The following NEO1 variants were observed in gnomAD, a reference collection of about 807,000 sequenced individuals.
The protein encoded by NEO1 is neogenin.
NEO1 carries 63 observed loss-of-function variants against 159.7 expected under a neutral mutation model. The observed-to-expected ratio is 0.39, with a 90% CI of 0.32 to 0.49. NEO1 has a LOEUF of 0.49. Among genes scored for constraint, NEO1 ranks in the 20% least tolerant of loss-of-function variants. NEO1 has a pLI of 0.85. For synonymous variants in NEO1, 633 were observed against 662.0 expected, an observed-to-expected ratio of 0.96 and a Z score of 0.67; for missense variants, 1,615 against 1,831.0, an observed-to-expected ratio of 0.88 and a Z score of 2.15.
At chr15:73,190,633 A>C (rs2036189138) in intron 7 of NEO1, among the ~76,000 whole-genome samples, 1 of 152,168 alleles carries the variant, frequency 6.6e-6, no homozygotes, top group Admixed American at 6.6e-5. Flanking sequence ...TCATTAGTGG[A>C]ATATTTTAAT....
intron 7 of NEO1, among the ~76,000 whole-genome samples, chr15:73,232,823 A>T (rs2038979876): frequency 6.6e-6 from 1 of 152,122 alleles, no homozygotes; most frequent in Non-Finnish European, 1.5e-5. Flanking sequence ...ATATCAAATG[A>T]GCTCTTCTGG....
chr15:73,213,274 A>G (rs2152095364), intron 7 of NEO1, among the ~76,000 whole-genome samples: 1 of 152,098 alleles, frequency 6.6e-6, no homozygotes, highest in East Asian at 1.9e-4. Flanking sequence ...TGTAGCATTT[A>G]TTTATTTTCA....
At chr15:73,302,120 T>C (rs2042642370) in intron 28 of NEO1, among the ~76,000 whole-genome samples, 1 of 152,248 alleles carries the variant, frequency 6.6e-6, no homozygotes, top group Non-Finnish European at 1.5e-5. Flanking sequence ...TCAGTTCTAC[T>C]CTGTGACCTT....
intron 22 of NEO1, among the ~76,000 whole-genome samples, chr15:73,281,064 C>T (rs887285167): frequency 2.0e-5 from 3 of 151,140 alleles, no homozygotes; most frequent in South Asian, 4.2e-4. Context: ...AAAAATTAGC[C>T]GGGCATGGTG....
intron 23 of NEO1, 22 bp from the exon 24 acceptor site, chr15:73,288,291 C>A: frequency 6.3e-7 from 1 of 1,590,324 alleles, no homozygotes; most frequent in Non-Finnish European, 8.6e-7. Flanking sequence ...TTTTTAAAAG[C>A]TCCTCTGAAC....
intron 5 of NEO1, among the ~76,000 whole-genome samples, chr15:73,160,333 C>A (rs1412564348): frequency 6.6e-6 from 1 of 152,186 alleles, no homozygotes; most frequent in Admixed American, 6.5e-5. Flanking sequence ...TCCTATAATT[C>A]AGTTCAGTTC....
chr15:73,150,822 A>T (rs75480405), intron 5 of NEO1, among the ~76,000 whole-genome samples: 13 of 152,094 alleles, frequency 8.5e-5, no homozygotes, highest in African/African-American at 2.9e-4. Context: ...CAGAGGGTCT[A>T]TTCTTTTGTT....
Position 73,301,458 on chromosome 15 carries a change from G to A in NEO1, c.4302+1G>A. On this transcript the variant is annotated splice_donor_variant, in intron 28 of 28. Coordinates refer to ENST00000261908, the MANE Select transcript of NEO1 (RefSeq NM_002499.4). LOFTEE classifies it high-confidence loss of function. ...AAGGATGTTGGAAGACTCCGAGAGT[G>A]TAAGTTCGTGGGGCCATCAGTCCAG... 4 of 1,614,198 alleles carry A rather than the reference G, an allele frequency of 2.5e-6. No homozygotes were observed. Among genetic ancestry groups the A allele is most frequent in the Non-Finnish European group, 3.4e-6 (4 of 1,180,038 alleles).
chr15:73,278,471 G>A (rs2041523206), intron 22 of NEO1, among the ~76,000 whole-genome samples: 1 of 152,140 alleles, frequency 6.6e-6, no homozygotes, highest in Non-Finnish European at 1.5e-5. Context: ...AAGAGTTAGA[G>A]TTTCGCTTTC....
chr15:73,123,082 G>A (rs1367929238), intron 3 of NEO1, among the ~76,000 whole-genome samples: 5 of 151,956 alleles, frequency 3.3e-5, no homozygotes, highest in Admixed American at 6.5e-5. Context: ...ACTTGAACCC[G>A]GGAGGTGGAG....
intron 1 of NEO1, among the ~76,000 whole-genome samples, chr15:73,058,583 G>A (rs1352367011): frequency 6.6e-6 from 1 of 152,146 alleles, no homozygotes; most frequent in Non-Finnish European, 1.5e-5. Flanking sequence ...AAGTTAACTT[G>A]TGTGTGTATG....
Position 73,298,506 on chromosome 15 carries a change from C to T in NEO1, c.4060C>T (p.Arg1354Cys). 9.3e-6 allele frequency: 15 copies of T among 1,614,214 alleles called. No homozygotes were observed. Among genetic ancestry groups the T allele is most frequent in the Middle Eastern group, 1.6e-4 (1 of 6,062 alleles). The change falls in exon 27 of 29, where the codon CGC (arginine) becomes TGC (cysteine). Residue 1354 changes from arginine to cysteine, a missense_variant. By Grantham distance (180) the Arg-to-Cys change is radical. Around this residue, in one of 3 missense-constraint regions of NEO1, gnomAD observed 471 missense variants for 498.9 expected, o/e 0.94. Transcript: ENST00000261908. Reference protein sequence around the residue: ...SGQSLPTAHVRPSHPLKSFAV... With the variant: ...SGQSLPTAHVCPSHPLKSFAV... Reference sequence around the variant, plus strand: ...CCAGAGTCTTCCCACTGCCCATGTTCGCCCTTCCCACCCATTGAAGAGCTT... The same window carrying T: ...CCAGAGTCTTCCCACTGCCCATGTTTGCCCTTCCCACCCATTGAAGAGCTT...
chr15:73,097,878 A>G (rs953467246), intron 1 of NEO1, among the ~76,000 whole-genome samples: 1 of 144,854 alleles, frequency 6.9e-6, no homozygotes, highest in African/African-American at 2.6e-5. Flanking sequence ...TGGGTTGGTC[A>G]TCATTACTAG....
chr15:73,280,606 C>CA (rs2041649631), intron 22 of NEO1, among the ~76,000 whole-genome samples: 1 of 152,150 alleles, frequency 6.6e-6, no homozygotes, highest in African/African-American at 2.4e-5. Flanking sequence ...AAGCCCTACT[C>CA]TAATATGAAC....
At chr15:73,146,621 T>G (rs1352079078) in intron 5 of NEO1, among the ~76,000 whole-genome samples, 1 of 152,206 alleles carries the variant, frequency 6.6e-6, no homozygotes, top group Admixed American at 6.5e-5. Context: ...CTAATAGTTA[T>G]GTAAATTTAT....
In NEO1 at chr15:73,149,570, G is replaced by T. The variant is rs145954792; in HGVS notation, c.1015+13543G>T. ...AACTATGTCTTTGAGACTTATTCTT[G>T]TCCAGGTGATTTCAGTGATTCTTGT... On this transcript the variant is annotated intron_variant, in intron 5 of 28. Transcript: ENST00000261908. 1.4e-3 allele frequency among the ~76,000 whole-genome samples: 215 copies of T among 152,020 alleles called. 1 individual carries two copies. The highest frequency in any genetic ancestry group is 3.4e-3 in the Middle Eastern group (1 of 294).
At chr15:73,195,676 A>G (rs1324299983) in intron 7 of NEO1, among the ~76,000 whole-genome samples, 4 of 152,160 alleles carry the variant, frequency 2.6e-5, no homozygotes, top group Admixed American at 2.6e-4. Flanking sequence ...CCCCTTATAT[A>G]GCATGTATCT....
intron 5 of NEO1, among the ~76,000 whole-genome samples, chr15:73,146,610 C>T (rs900184493): frequency 1.3e-5 from 2 of 152,102 alleles, no homozygotes; most frequent in Admixed American, 6.6e-5. Flanking sequence ...GAAATAATTT[C>T]CTAATAGTTA....
chr15:73,287,754 G>A (rs750902151), intron 23 of NEO1, among the ~76,000 whole-genome samples: 5 of 151,980 alleles, frequency 3.3e-5, no homozygotes, highest in African/African-American at 4.8e-5. Context: ...GGTGGTGGAC[G>A]CCTGTAATCC....
Sources: allele counts gnomAD v4.1 joint callset (sites outside exome capture counted in the v4.1 genomes callset), GRCh38; gene constraint gnomAD v4.1.1; regional missense constraint gnomAD v4.1.1; transcripts MANE v1.5; gene names NCBI Gene and HGNC (gene_info 2026-07-23, HGNC 2026-07-21).